The following KLF8 variants were observed in gnomAD, a reference collection of about 807,000 sequenced individuals.
The protein encoded by KLF8 is Krueppel-like factor 8.
In KLF8, 10 loss-of-function variants were observed where a neutral mutation model predicts 18.2. That is an observed-to-expected ratio of 0.55 (90% CI 0.34 to 0.93). The LOEUF is 0.93. Ranked by LOEUF, KLF8 falls within the 40% of genes least tolerant of loss-of-function variation. The pLI is 0.02. For synonymous variants in KLF8, 109 were observed against 97.3 expected (o/e 1.12, Z -0.71); for missense variants, 264 against 277.9 (o/e 0.95, Z 0.36).
rs1244460332 is a variant in KLF8, at chrX:56,269,443, G to T, written c.712G>T (p.Glu238Ter). 8.3e-7 allele frequency: 1 copy of T among 1,209,105 alleles called. No individual in the cohort carries two copies. The highest frequency in any genetic ancestry group is 1.1e-6 in the Non-Finnish European group (1 of 894,376). ...IPSDSEESTIESGSSALQSLQ... is the reference protein window; with the variant it reads ...IPSDSEESTI ...AAGTGACAGTGAGGAGAGTACAATT[G>T]AGAGTGGATCCTCAGCCTTGCAGAG... The change falls in exon 4 of 6, where the codon GAG (glutamate) becomes TAG (stop). Residue 238 changes from glutamate to a stop codon, truncating the protein, a stop_gained. Transcript: ENST00000468660. LOFTEE classifies it high-confidence loss of function.
At chrX:56,175,088 C>G in the KLF8 span, among the ~76,000 whole-genome samples, 1 of 111,108 alleles carries the variant, frequency 9.0e-6, no homozygotes, top group African/African-American at 3.3e-5. Flanking sequence ...TTTTTTGTCT[C>G]TATTTCCTTC....
the KLF8 span, among the ~76,000 whole-genome samples, chrX:56,096,875 C>T: frequency 3.6e-5 from 4 of 110,701 alleles, no homozygotes; most frequent in Non-Finnish European, 5.7e-5. Context: ...TAAGATGATA[C>T]TAAACATTTA....
the KLF8 span, among the ~76,000 whole-genome samples, chrX:56,186,649 A>G: frequency 2.7e-5 from 3 of 111,871 alleles, no homozygotes; most frequent in Non-Finnish European, 5.6e-5. Context: ...CAGCAAATGT[A>G]AAAGATCAGA....
At chrX:56,199,331 A>C in the KLF8 span, among the ~76,000 whole-genome samples, 2 of 112,053 alleles carry the variant, frequency 1.8e-5, no homozygotes, top group Non-Finnish European at 3.8e-5. Context: ...GGTTTTTGCA[A>C]TCTACCCATC....
chrX:56,070,739 A>T, the KLF8 span, among the ~76,000 whole-genome samples: 1 of 112,523 alleles, frequency 8.9e-6, no homozygotes, highest in Non-Finnish European at 1.9e-5. Context: ...TTACCTATGT[A>T]ACAAACCAGC....
chrX:56,014,598 A>G, the KLF8 span, among the ~76,000 whole-genome samples: 1 of 111,846 alleles, frequency 8.9e-6, no homozygotes, highest in South Asian at 3.7e-4. Flanking sequence ...AACCAGAAAT[A>G]TCATTTGACC....
chrX:55,911,140 C>T, the KLF8 span, among the ~76,000 whole-genome samples: 946 of 111,880 alleles, frequency 8.5e-3, 10 homozygotes, highest in African/African-American at 0.029. Flanking sequence ...TTTAGAAAAT[C>T]GTAAGCAAGA....
chrX:56,144,777 A>T, the KLF8 span, among the ~76,000 whole-genome samples: 1 of 63,315 alleles, frequency 1.6e-5, no homozygotes, highest in Non-Finnish European at 3.1e-5. Context: ...AAAAGAAAAG[A>T]AAAGAAGTTG....
chrX:56,067,050 C>T, the KLF8 span, among the ~76,000 whole-genome samples: 4 of 109,355 alleles, frequency 3.7e-5, no homozygotes, highest in Admixed American at 1.9e-4. Flanking sequence ...CTTCTCTCTC[C>T]TCCCTTGCCT....
chrX:55,923,405 G>T, the KLF8 span, among the ~76,000 whole-genome samples: 3 of 110,936 alleles, frequency 2.7e-5, no homozygotes, highest in Middle Eastern at 0.014. Flanking sequence ...ATACCTAGGT[G>T]ATAGGATGGT....
At chrX:56,083,040 T>C in the KLF8 span, among the ~76,000 whole-genome samples, 4 of 111,890 alleles carry the variant, frequency 3.6e-5, no homozygotes, top group Non-Finnish European at 7.5e-5. Flanking sequence ...ATCTAGTTAA[T>C]TAAGTTTCTT....
At position 56,265,520 on chromosome X, in the gene KLF8, C is replaced by T; in HGVS notation, c.422C>T (p.Pro141Leu). Residue 141 changes from proline (P) to leucine (L), a missense_variant, in exon 3 of 6, where the codon CCA becomes CTA. Pro to Leu is a moderately conservative substitution (Grantham distance 98). Around this residue, in one of 2 missense-constraint regions of KLF8, gnomAD observed 221 missense variants for 193.6 expected, o/e 1.14. Transcript: ENST00000468660. ...TSANIPTVLTPGSVLTSSQST... is the reference protein window; with the variant it reads ...TSANIPTVLTLGSVLTSSQST... ...GCAAACATTCCTACTGTTCTGACCC[C>T]AGGCTCTGTCCTGACCTCCTCTCAG... 8.3e-7 allele frequency: 1 copy of T among 1,211,793 alleles called. No individual in the cohort carries two copies.
At chrX:56,003,861 G>T in the KLF8 span, among the ~76,000 whole-genome samples, 1 of 111,814 alleles carries the variant, frequency 8.9e-6, no homozygotes, top group African/African-American at 3.3e-5. Context: ...ATCCTGTGTA[G>T]CCTGAAAATC....
chrX:56,206,055 A>G, the KLF8 span, among the ~76,000 whole-genome samples: 343 of 111,436 alleles, frequency 3.1e-3, no homozygotes, highest in African/African-American at 0.011. Context: ...GGGAACTCCC[A>G]CTTATAAAAC....
chrX:56,083,005 G>T, the KLF8 span, among the ~76,000 whole-genome samples: 1 of 111,863 alleles, frequency 8.9e-6, no homozygotes, highest in East Asian at 2.8e-4. Context: ...GTGCCTCTGT[G>T]TGGTTCTCCA....
the KLF8 span, among the ~76,000 whole-genome samples, chrX:56,136,792 G>A: frequency 9.1e-6 from 1 of 110,393 alleles, no homozygotes; most frequent in East Asian, 2.8e-4. Flanking sequence ...CACAGCAAAA[G>A]AAACTACCAT....
chrX:56,153,119 T>A, the KLF8 span, among the ~76,000 whole-genome samples: 1 of 111,646 alleles, frequency 9.0e-6, no homozygotes, highest in Non-Finnish European at 1.9e-5. Flanking sequence ...AAATTTAATA[T>A]GATATAAGTA....
At chrX:55,938,626 AC>A in the KLF8 span, among the ~76,000 whole-genome samples, 1 of 110,949 alleles carries the variant, frequency 9.0e-6, no homozygotes, top group African/African-American at 3.3e-5. Context: ...TATTCAGGAA[AC>A]CCATCTCACG....
chrX:55,997,198 C>A, the KLF8 span, among the ~76,000 whole-genome samples: 15 of 112,022 alleles, frequency 1.3e-4, no homozygotes, highest in Non-Finnish European at 2.6e-4. Context: ...AGCTCTATCC[C>A]ACTGGTGAGA....
Sources: allele counts gnomAD v4.1 joint callset (sites outside exome capture counted in the v4.1 genomes callset), GRCh38; gene constraint gnomAD v4.1.1; regional missense constraint gnomAD v4.1.1; transcripts MANE v1.5; gene names NCBI Gene and HGNC (gene_info 2026-07-23, HGNC 2026-07-21).